EIPR1: variants seen among roughly 807,000 people sequenced by gnomAD.
EIPR1 encodes EARP complex and GARP complex interacting protein 1.
EIPR1 carries 25 observed loss-of-function variants against 48.1 expected under a neutral mutation model. The ratio of observed to expected loss-of-function variants is 0.52; its 90% CI spans 0.38 to 0.73. The LOEUF (loss-of-function observed/expected upper bound fraction) is 0.73. Ranked by LOEUF, EIPR1 falls within the 30% of genes least tolerant of loss-of-function variation. The pLI is 0.00. For synonymous variants in EIPR1, 204 were observed against 201.9 expected (o/e 1.01, Z -0.09); for missense variants, 415 against 506.2 (o/e 0.82, Z 1.73).
intron 3 of EIPR1, among the ~76,000 whole-genome samples, chr2:3,323,793 AAC>A (rs749336262): frequency 1.5e-3 from 224 of 152,330 alleles, no homozygotes; most frequent in Non-Finnish European, 2.0e-3. Context: ...TGGGATTTCC[AAC>A]AGTGTCTGCT....
intron 4 of EIPR1, among the ~76,000 whole-genome samples, chr2:3,232,769 G>A (rs984450024): frequency 1.2e-4 from 18 of 152,170 alleles, no homozygotes; most frequent in African/African-American, 4.1e-4. Flanking sequence ...CAGCAGCCCC[G>A]TGGATGGTTA....
intron 4 of EIPR1, among the ~76,000 whole-genome samples, chr2:3,250,739 A>T (rs1386446690): frequency 6.6e-6 from 1 of 152,188 alleles, no homozygotes; most frequent in Non-Finnish European, 1.5e-5. Flanking sequence ...TCCCTTGGTG[A>T]TGACTGAGTC....
intron 1 of EIPR1, among the ~76,000 whole-genome samples, chr2:3,376,174 A>G (rs371970954): frequency 3.9e-5 from 6 of 152,200 alleles, no homozygotes; most frequent in African/African-American, 1.4e-4. Context: ...TGAACACACT[A>G]TGCACCAGGC....
rs1668500526 is a variant in EIPR1 at position 3,294,963 on chromosome 2, CT to C, written c.260-37509del. Among the ~76,000 whole-genome samples, 2 of 113,566 alleles carry C rather than the reference CT, an allele frequency of 1.8e-5. 1 individual carries two copies. The highest frequency in any genetic ancestry group is 3.7e-5 in the Non-Finnish European group (2 of 54,188). 74.5% of individuals were successfully genotyped at this position (113,566 alleles called of 152,430 possible). ...TCCTCTCTACACACACACACACACC[CT>C]CCATCCAGCCCATCCTCTCTACACA... is the stretch of plus-strand genomic sequence containing the variant. On this transcript the variant is annotated intron_variant, in intron 3 of 8. Transcript: ENST00000382125.
At chr2:3,293,360 G>A (rs1018608421) in intron 3 of EIPR1, among the ~76,000 whole-genome samples, 3 of 152,160 alleles carry the variant, frequency 2.0e-5, no homozygotes, top group African/African-American at 2.4e-5. Context: ...GGAAGACAGA[G>A]GGAAATGCTG....
At position 3,257,424 on chromosome 2, in the gene EIPR1, G is replaced by T. The variant is rs148305782; in HGVS notation, c.291C>A (p.Ala97=). The T allele has an allele frequency of 6.2e-7, 1 of 1,614,182 alleles. No individual in the cohort carries two copies. The highest frequency in any genetic ancestry group is 2.2e-5 in the East Asian group (1 of 44,872). ...TSDSKVLTCA[A]VWRMPKELES... is the part of the protein sequence containing the mutation. The stretch of plus-strand genomic sequence containing the variant: ...CCAATTCCTTCGGCATCCTCCACAC[G>T]GCTGCACATGTCAGGACTTTGCTGT... The change falls in exon 4 of 9, where the codon GCC becomes GCA. Residue 97 remains alanine (A), a synonymous_variant. Coordinates refer to ENST00000382125, the MANE Select transcript of EIPR1 (RefSeq NM_003310.5).
At chr2:3,328,385 T>C (rs887995563) in intron 3 of EIPR1, among the ~76,000 whole-genome samples, 85 of 132,902 alleles carry the variant, frequency 6.4e-4, no homozygotes, top group Middle Eastern at 5.4e-3. Context: ...GATCTCAGGG[T>C]GCCAGCCAGG....
intron 4 of EIPR1, among the ~76,000 whole-genome samples, chr2:3,242,563 C>T (rs1666670294): frequency 2.0e-5 from 3 of 151,438 alleles, no homozygotes; most frequent in Admixed American, 2.0e-4. Flanking sequence ...TGACTCCACA[C>T]CACACACCAG....
At chr2:3,259,903 A>T (rs902860232) in intron 3 of EIPR1, among the ~76,000 whole-genome samples, 1 of 152,240 alleles carries the variant, frequency 6.6e-6, no homozygotes, top group African/African-American at 2.4e-5. Context: ...ATCCTACCTC[A>T]TAACATACTC....
chr2:3,201,321 C>T (rs1665027038), intron 5 of EIPR1, among the ~76,000 whole-genome samples: 2 of 152,214 alleles, frequency 1.3e-5, no homozygotes, highest in Non-Finnish European at 2.9e-5. Flanking sequence ...AGGCACTCGC[C>T]AGGAACAATC....
At chr2:3,357,274 T>C (rs750619190) in intron 1 of EIPR1, among the ~76,000 whole-genome samples, 2 of 152,254 alleles carry the variant, frequency 1.3e-5, no homozygotes, top group Non-Finnish European at 2.9e-5. Context: ...TCACTTTGTT[T>C]TGTCCAGTTC....
rs1379704911 is a variant in EIPR1, at chr2:3,354,665, T to C, written c.43-32A>G. The C allele has an allele frequency of 3.1e-6, 5 of 1,601,974 alleles. No individual in the cohort carries two copies. The East Asian group carries it at 6.7e-5, about 21-fold the overall frequency. On this transcript the variant is annotated intron_variant, in intron 1 of 8. Transcript: ENST00000382125. ...GAGGGAAGAAAAACACATGCACATT[T>C]ATGAAGTTAGATTTAATAGAGATTA...
At chr2:3,377,370 G>A in intron 1 of EIPR1, 1 of 397,950 alleles carries the variant, frequency 2.5e-6, no homozygotes, top group Non-Finnish European at 4.5e-6. Context: ...GTAAATAAAT[G>A]AGTCCACCAA....
intron 3 of EIPR1, among the ~76,000 whole-genome samples, chr2:3,316,385 C>T (rs1669302572): frequency 6.6e-6 from 1 of 152,142 alleles, no homozygotes; most frequent in Admixed American, 6.5e-5. Flanking sequence ...GCCACTGTGG[C>T]ACACCAGCTT....
At chr2:3,365,955 G>C (rs1240500767) in intron 1 of EIPR1, among the ~76,000 whole-genome samples, 1 of 43,020 alleles carries the variant, frequency 2.3e-5, no homozygotes, top group Non-Finnish European at 8.5e-5. Flanking sequence ...CCCAGTCCGG[G>C]AGGGAGGTGG....
At chr2:3,246,195 T>A (rs570611308) in intron 4 of EIPR1, among the ~76,000 whole-genome samples, 1 of 152,244 alleles carries the variant, frequency 6.6e-6, no homozygotes, top group Non-Finnish European at 1.5e-5. Context: ...TCTGAGACTT[T>A]CGAGCACATT....
At chr2:3,305,024 T>TCCAGTTCAACCCTCCACTCCC (rs1668887566) in intron 3 of EIPR1, among the ~76,000 whole-genome samples, 4 of 18,380 alleles carry the variant, frequency 2.2e-4, no homozygotes, top group Admixed American at 4.9e-4. Flanking sequence ...CCTCCACTCC[T>TCCAGTTCAACCCTCCACTCCC]GTCCAGTTCA....
chr2:3,291,672 G>A (rs1004791960), intron 3 of EIPR1, among the ~76,000 whole-genome samples: 14 of 152,270 alleles, frequency 9.2e-5, no homozygotes, highest in African/African-American at 3.4e-4. Context: ...GTGTGGCTAA[G>A]AAACTCACCC....
chr2:3,302,667 C>A (rs1668796533), intron 3 of EIPR1, among the ~76,000 whole-genome samples: 1 of 152,364 alleles, frequency 6.6e-6, no homozygotes, highest in Middle Eastern at 3.4e-3. Context: ...TTGCCAGAAG[C>A]CCAGGCCCGC....
Sources: allele counts gnomAD v4.1 joint callset (sites outside exome capture counted in the v4.1 genomes callset), GRCh38; gene constraint gnomAD v4.1.1; transcripts MANE v1.5; gene names NCBI Gene and HGNC (gene_info 2026-07-23, HGNC 2026-07-21).